The following WDR62 variants were observed in gnomAD, a reference collection of about 807,000 sequenced individuals.
WDR62 encodes WD repeat domain 62.
Under a neutral mutation model 160.6 loss-of-function variants are expected in WDR62, and 112 were observed. The ratio of observed to expected loss-of-function variants is 0.70; its 90% CI spans 0.60 to 0.82. The LOEUF is 0.82. WDR62 is among the 40% of genes least tolerant of loss of function. WDR62 has a pLI of 0.00. For missense variants in WDR62, 1,819 were observed against 1,983.8 expected (o/e 0.92, Z 1.58); for synonymous variants, 792 against 815.1 (o/e 0.97, Z 0.48).
chr19:36,103,858 T>G lies in WDR62; in HGVS notation c.4030T>G (p.Phe1344Val), dbSNP rs369951443. 6.2e-6 allele frequency: 10 copies of G among 1,603,172 alleles called. No homozygotes were observed. The African/African-American group carries it at 1.1e-4, about 17-fold the overall frequency. ...CGCCCTGAGGCTCCACGGCTCTGCC[T>G]TTCGCCCAAGTCTCCCAGCTCCTGA... ...ESALRLHGSA[F>V]RPSLPAPESP... The change falls in exon 30 of 32, where the codon TTT becomes GTT. Residue 1344 changes from phenylalanine to valine, a missense_variant. By Grantham distance (50) the Phe-to-Val change is conservative (BLOSUM62 -1). Coordinates refer to ENST00000401500, the MANE Select transcript of WDR62 (RefSeq NM_001083961.2).
intron 21 of WDR62, among the ~76,000 whole-genome samples, chr19:36,098,392 C>T (rs1393667305): frequency 6.6e-6 from 1 of 151,664 alleles, no homozygotes; most frequent in Non-Finnish European, 1.5e-5. Context: ...TGGTAAAACC[C>T]CGTCTCTACT....
chr19:36,105,225 A>G (rs763786084), downstream of WDR62: 53 of 682,268 alleles, frequency 7.8e-5, no homozygotes, highest in Non-Finnish European at 1.2e-4. Flanking sequence ...GCATGGGACC[A>G]GCGCTCCCAA....
At chr19:36,091,159 A>C in intron 16 of WDR62, 41 bp from the exon 17 acceptor site, 1 of 1,562,512 alleles carries the variant, frequency 6.4e-7, no homozygotes, top group Non-Finnish European at 8.8e-7. Context: ...ATAAGGAAGA[A>C]GCAGGCAGCT....
At position 36,060,008 on chromosome 19, in the gene WDR62, C is replaced by G. The variant is rs752426321; in HGVS notation, c.310C>G (p.Gln104Glu). The change falls in exon 3 of 32, where the codon CAG becomes GAG. Residue 104 changes from glutamine (Q) to glutamate (E), a missense_variant. Transcript: ENST00000401500. ...TTTGGACCCCAAGGAGAACAAGCAGCAGCACATCTTTAACACCGCCAGGTA... is the reference window on the plus strand; with the variant it reads ...TTTGGACCCCAAGGAGAACAAGCAGGAGCACATCTTTAACACCGCCAGGTA... ...VILDPKENKQ[Q>E]HIFNTARKSL... The G allele has an allele frequency of 1.2e-6, 2 of 1,614,232 alleles. No homozygotes were observed. The highest frequency in any genetic ancestry group is 1.7e-6 in the Non-Finnish European group (2 of 1,180,042).
At position 36,066,322 on chromosome 19, in the gene WDR62, A is replaced by G; in HGVS notation, c.456A>G (p.Leu152=). 1.2e-6 allele frequency: 2 copies of G among 1,614,224 alleles called. No homozygotes were observed. The highest frequency in any genetic ancestry group is 1.7e-6 in the Non-Finnish European group (2 of 1,180,030). Residue 152 remains leucine (L), a synonymous_variant, in exon 5 of 32, where the codon CTA becomes CTG. Transcript: ENST00000401500. ...VEEKNQVAEM[L]GHKYGVACVA... ...AGAAGAATCAGGTGGCGGAGATGCT[A>G]GGCCACAAGTATGGTGTGGCGTGTG...
At chr19:36,085,471 A>C (rs957456495) in intron 12 of WDR62, among the ~76,000 whole-genome samples, 1 of 124,538 alleles carries the variant, frequency 8.0e-6, no homozygotes, top group Non-Finnish European at 1.6e-5. Flanking sequence ...CCCTGGCCGG[A>C]GGGCAATGAC....
rs1394992888 is a variant in WDR62 at position 36,103,474 on chromosome 19, TC to T, written c.3648del (p.Tyr1217ThrfsTer81). On this transcript the variant is annotated frameshift_variant, in exon 30 of 32. Transcript: ENST00000401500. LOFTEE classifies it high-confidence loss of function. ...GGGTGTCCATGCCCCCTCCACCTGT[TC>T]CTACATGGAGGCCACTGCCAGCTCC... ...AQGVHAPSTC[S>X]YMEATASSRA... 1 of 1,613,854 alleles carries T rather than the reference TC, an allele frequency of 6.2e-7. No individual in the cohort carries two copies. Among genetic ancestry groups the T allele is most frequent in the African/African-American group, 1.3e-5 (1 of 74,840 alleles).
intron 19 of WDR62, 111 bp from the exon 20 acceptor site, chr19:36,093,920 G>C (rs1972790297): frequency 7.2e-7 from 1 of 1,382,246 alleles, no homozygotes; most frequent in Middle Eastern, 2.5e-4. Flanking sequence ...TTGACCAGCA[G>C]CCAAGAATAT....
intron 9 of WDR62, among the ~76,000 whole-genome samples, chr19:36,079,820 G>A (rs1971785561): frequency 6.6e-6 from 1 of 152,062 alleles, no homozygotes; most frequent in Non-Finnish European, 1.5e-5. Flanking sequence ...TTGTATTTTG[G>A]GGTTTATGGG....
In WDR62 at chr19:36,055,019, G is replaced by A. The variant is rs1179595810; in HGVS notation, c.48G>A (p.Glu16=). ...GCTATGCGCGGAACGATGCAGGGGAGAAGCTGCCCTCTGTCATGGCGGGAG... is the reference window on the plus strand; with the variant it reads ...GCTATGCGCGGAACGATGCAGGGGAAAAGCTGCCCTCTGTCATGGCGGGAG... The part of the protein sequence containing the change: ...SGGYARNDAG[E]KLPSVMAGVP... The change falls in exon 1 of 32, where the codon GAG becomes GAA. Residue 16 remains glutamate (E), a synonymous_variant. Coordinates refer to ENST00000401500, the MANE Select transcript of WDR62 (RefSeq NM_001083961.2). 1 of 1,608,532 alleles carries A rather than the reference G, an allele frequency of 6.2e-7. No homozygotes were observed. The highest frequency in any genetic ancestry group is 1.7e-5 in the Admixed American group (1 of 59,650).
chr19:36,084,773 G>T (rs745454405), intron 12 of WDR62, 29 bp downstream of exon 12: 1 of 1,605,474 alleles, frequency 6.2e-7, no homozygotes, highest in Non-Finnish European at 8.5e-7. Context: ...TGGAATGGGG[G>T]TCAGGCAGGG....
chr19:36,078,425 G>A (rs150026525), intron 9 of WDR62, among the ~76,000 whole-genome samples: 48 of 152,130 alleles, frequency 3.2e-4, no homozygotes, highest in African/African-American at 1.2e-3. Context: ...AGGGATTACA[G>A]GCGTGAGCCA....
At chr19:36,081,706 G>A in intron 10 of WDR62, 136 bp downstream of exon 10, 1 of 1,114,288 alleles carries the variant, frequency 9.0e-7, no homozygotes, top group Non-Finnish European at 1.3e-6. Context: ...ACCAAGGCAG[G>A]TCCCTCTCTG....
At chr19:36,059,252 A>G (rs1970521975) in intron 2 of WDR62, among the ~76,000 whole-genome samples, 1 of 152,072 alleles carries the variant, frequency 6.6e-6, no homozygotes, top group Admixed American at 6.6e-5. Flanking sequence ...CTCTGCTTGC[A>G]TAGTTGAGAA....
intron 7 of WDR62, chr19:36,070,956 C>T (rs1432168281): frequency 5.1e-5 from 8 of 155,710 alleles, no homozygotes; most frequent in Non-Finnish European, 1.0e-4. Context: ...ATCTGTAATC[C>T]CAATGCTTTG....
At chr19:36,080,285 T>A (rs1971819197) in intron 9 of WDR62, among the ~76,000 whole-genome samples, 1 of 144,972 alleles carries the variant, frequency 6.9e-6, no homozygotes, top group Non-Finnish European at 1.5e-5. Flanking sequence ...TTTTTTGTAT[T>A]TTTTTTTTTT....
intron 16 of WDR62, among the ~76,000 whole-genome samples, chr19:36,090,734 G>T (rs3826995): frequency 2.0e-5 from 3 of 151,974 alleles, no homozygotes; most frequent in Non-Finnish European, 4.4e-5. Context: ...CAAGTGGGGC[G>T]TCTAAGTGGG....
chr19:36,102,913 A>C (rs1279912522), intron 27 of WDR62, 35 bp from the exon 28 acceptor site: 1 of 1,614,090 alleles, frequency 6.2e-7, no homozygotes, highest in Admixed American at 1.7e-5. Context: ...GGGCAGGCTG[A>C]ATGAGAATCA....
At chr19:36,095,908 G>A (rs1490173879) in intron 20 of WDR62, among the ~76,000 whole-genome samples, 1 of 152,160 alleles carries the variant, frequency 6.6e-6, no homozygotes, top group Non-Finnish European at 1.5e-5. Context: ...CAAAGCAGAC[G>A]CCTGCGAAAT....
Sources: allele counts gnomAD v4.1 joint callset (sites outside exome capture counted in the v4.1 genomes callset), GRCh38; gene constraint gnomAD v4.1.1; transcripts MANE v1.5; gene names NCBI Gene and HGNC (gene_info 2026-07-23, HGNC 2026-07-21).